Variants in KLHL29 observed in about 807,000 individuals in gnomAD.
The protein encoded by KLHL29 is kelch-like protein 29.
KLHL29 carries 21 observed loss-of-function variants against 80.4 expected under a neutral mutation model. The observed-to-expected ratio is 0.26, with a 90% CI of 0.19 to 0.38. KLHL29 has a LOEUF of 0.38. Among genes scored for constraint, KLHL29 ranks in the 10% least tolerant of loss-of-function variants. The pLI is 1.00. For synonymous variants in KLHL29, 511 were observed against 526.8 expected (o/e 0.97, Z 0.41); for missense variants, 867 against 1,223.9 (o/e 0.71, Z 4.35).
intron 1 of KLHL29, among the ~76,000 whole-genome samples, chr2:23,454,468 A>C (rs1276786315): frequency 6.6e-6 from 1 of 151,808 alleles, no homozygotes; most frequent in African/African-American, 2.4e-5. Context: ...TTTTATTTAA[A>C]CCCCCAGGCA....
chr2:23,611,415 G>A (rs1037136354), intron 3 of KLHL29, among the ~76,000 whole-genome samples: 2 of 152,160 alleles, frequency 1.3e-5, no homozygotes, highest in Non-Finnish European at 2.9e-5. Context: ...GACTCTGAAG[G>A]GCTGCACACT....
chr2:23,386,504 ACGGGGACGG>A (rs1014281713), intron 1 of KLHL29, among the ~76,000 whole-genome samples: 2 of 152,128 alleles, frequency 1.3e-5, no homozygotes, highest in Admixed American at 1.3e-4. Context: ...AGGAGAGCTC[ACGGGGACGG>A]CGAAGCGGCC....
chr2:23,420,192 G>A (rs189804678), intron 1 of KLHL29, among the ~76,000 whole-genome samples: 19 of 152,170 alleles, frequency 1.2e-4, no homozygotes, highest in East Asian at 1.9e-4. Flanking sequence ...ACTCCGCATC[G>A]TCTATCCAAT....
At chr2:23,621,370 C>G (rs1034215307) in intron 3 of KLHL29, among the ~76,000 whole-genome samples, 1 of 152,202 alleles carries the variant, frequency 6.6e-6, no homozygotes, top group African/African-American at 2.4e-5. Flanking sequence ...TTAGCTCAGG[C>G]CTCCTGAGTC....
chr2:23,459,683 C>G (rs764487760), intron 1 of KLHL29, among the ~76,000 whole-genome samples: 3 of 152,190 alleles, frequency 2.0e-5, no homozygotes, highest in Non-Finnish European at 2.9e-5. Context: ...TCTGACTTGT[C>G]GGTGCATGCA....
At chr2:23,427,100 A>G (rs904005490) in intron 1 of KLHL29, among the ~76,000 whole-genome samples, 1 of 151,652 alleles carries the variant, frequency 6.6e-6, no homozygotes, top group Non-Finnish European at 1.5e-5. Flanking sequence ...GAATGTCCCT[A>G]CTCTTTTTCC....
intron 3 of KLHL29, among the ~76,000 whole-genome samples, chr2:23,619,044 C>T (rs1445863617): frequency 6.6e-6 from 1 of 152,228 alleles, no homozygotes; most frequent in Non-Finnish European, 1.5e-5. Flanking sequence ...AGCACAGATA[C>T]AGGCCTGGCA....
At chr2:23,468,735 G>A (rs1241337989) in intron 1 of KLHL29, among the ~76,000 whole-genome samples, 2 of 152,218 alleles carry the variant, frequency 1.3e-5, no homozygotes, top group Non-Finnish European at 2.9e-5. Context: ...TTGAGTGCTT[G>A]GGGTGCAGGT....
At chr2:23,509,251 A>C (rs1665700657) in intron 2 of KLHL29, among the ~76,000 whole-genome samples, 2 of 151,972 alleles carry the variant, frequency 1.3e-5, no homozygotes, top group Non-Finnish European at 2.9e-5. Context: ...CACTGCAAGG[A>C]CTCTCATCTC....
At chr2:23,454,565 A>G (rs941840143) in intron 1 of KLHL29, among the ~76,000 whole-genome samples, 1 of 152,122 alleles carries the variant, frequency 6.6e-6, no homozygotes, top group Non-Finnish European at 1.5e-5. Flanking sequence ...TCCCGGTTTT[A>G]TTTTTACAAG....
chr2:23,470,341 G>A (rs553655665), intron 1 of KLHL29, among the ~76,000 whole-genome samples: 6 of 152,276 alleles, frequency 3.9e-5, no homozygotes, highest in South Asian at 2.1e-4. Flanking sequence ...GAGTTTTCAC[G>A]AGGAGAAGGG....
intron 4 of KLHL29, 69 bp from the exon 5 acceptor site, chr2:23,642,269 C>T (rs3806509): frequency 0.08 from 108,644 of 1,351,210 alleles, 9,263 homozygotes; most frequent in East Asian, 0.48. Flanking sequence ...AGTGCAGGGC[C>T]GGGGATGGTC....
At position 23,385,284 on chromosome 2, in the gene KLHL29, C is replaced by T. The variant is rs568099897; in HGVS notation, c.-650C>T. Reference sequence around the variant, plus strand: ...CCGTCCCCGCCACCGCGGATCTCGCCGCAGCTCCAGCCCCGGCCCCGGCTC... The same window carrying T: ...CCGTCCCCGCCACCGCGGATCTCGCTGCAGCTCCAGCCCCGGCCCCGGCTC... On this transcript the variant is annotated 5_prime_UTR_variant, in exon 1 of 14. Transcript: ENST00000486442. 2.1e-4 allele frequency: 31 copies of T among 146,634 alleles called. No homozygotes were observed. The highest frequency in any genetic ancestry group is 7.4e-4 in the African/African-American group (30 of 40,444). 9.1% of individuals were successfully genotyped at this position (146,634 alleles called of 1,614,324 possible).
At chr2:23,528,378 C>A (rs1046733140) in intron 2 of KLHL29, among the ~76,000 whole-genome samples, 4 of 152,096 alleles carry the variant, frequency 2.6e-5, no homozygotes, top group African/African-American at 9.7e-5. Flanking sequence ...GTTTCCGAGG[C>A]TGGTCTCCAT....
intron 1 of KLHL29, among the ~76,000 whole-genome samples, chr2:23,398,553 T>C (rs1028281455): frequency 6.6e-6 from 1 of 152,242 alleles, no homozygotes; most frequent in Non-Finnish European, 1.5e-5. Context: ...CAAAACAATA[T>C]GCATGTAGGT....
In KLHL29 at chr2:23,439,304, A is replaced by G. The variant is rs535217294; in HGVS notation, c.-153-36256A>G. 2.0e-5 allele frequency among the ~76,000 whole-genome samples: 3 copies of G among 151,696 alleles called. No homozygotes were observed. In the East Asian group the frequency reaches 5.8e-4, roughly 29 times the overall value. ...TTTTTGAAGGGTTTTTTTTGTCTTC[A>G]TTTCCTTCAGTTCTGCTCTGATTTT... On this transcript the variant is annotated intron_variant, in intron 1 of 13. Transcript: ENST00000486442.
intron 2 of KLHL29, among the ~76,000 whole-genome samples, chr2:23,505,383 A>G (rs73919721): frequency 1.1e-4 from 16 of 152,266 alleles, no homozygotes; most frequent in African/African-American, 3.8e-4. Context: ...CCTGATGGAC[A>G]CTTTGCTCAG....
intron 1 of KLHL29, among the ~76,000 whole-genome samples, chr2:23,389,414 CAG>C (rs1425903543): frequency 3.9e-5 from 6 of 152,172 alleles, no homozygotes; most frequent in Admixed American, 2.6e-4. Flanking sequence ...AGTTCAAAGT[CAG>C]ATGAAGAAAT....
chr2:23,651,163 G>T (rs140426124), intron 5 of KLHL29, among the ~76,000 whole-genome samples: 87 of 152,280 alleles, frequency 5.7e-4, no homozygotes, highest in Non-Finnish European at 1.0e-3. Context: ...CGTTGTCATT[G>T]CCTGTTTTCT....
Sources: gnomAD v4.1 joint callset for allele counts (sites outside exome capture counted in the v4.1 genomes callset) on GRCh38, gnomAD v4.1.1 for gene constraint, MANE v1.5 for transcripts, NCBI Gene and HGNC (gene_info 2026-07-23, HGNC 2026-07-21) for gene names.